The following RBFOX1 variants were observed in gnomAD, a reference collection of about 807,000 sequenced individuals.
The protein encoded by RBFOX1 is RNA binding protein fox-1 homolog 1.
RBFOX1 carries 8 observed loss-of-function variants against 57.7 expected under a neutral mutation model. That is an observed-to-expected ratio of 0.14 (90% CI 0.08 to 0.25). The LOEUF (loss-of-function observed/expected upper bound fraction) is 0.25, where lower values mean the gene tolerates loss of function less well. Ranked by LOEUF, RBFOX1 falls within the 10% of genes least tolerant of loss-of-function variation. The pLI, the probability that RBFOX1 is intolerant of heterozygous loss-of-function variation, is 1.00. For missense variants in RBFOX1, 611 were observed against 548.5 expected (o/e 1.11, Z -1.14); for synonymous variants, 326 against 222.4 (o/e 1.47, Z -4.15).
intron 3 of RBFOX1, among the ~76,000 whole-genome samples, chr16:5,820,512 G>A (rs1473674043): frequency 6.6e-6 from 1 of 152,060 alleles, no homozygotes; most frequent in Admixed American, 6.6e-5. Context: ...CACAAGGGAG[G>A]GGAACCCACC....
At chr16:7,693,502 C>G (rs559703811) in intron 14 of RBFOX1, 8 of 662,120 alleles carry the variant, frequency 1.2e-5, no homozygotes, top group African/African-American at 7.8e-5. Context: ...GATCTTATAT[C>G]TTTGGAGTAC....
intron 1 of RBFOX1, among the ~76,000 whole-genome samples, chr16:5,307,178 G>T (rs1350569283): frequency 6.6e-6 from 1 of 152,162 alleles, no homozygotes; most frequent in Non-Finnish European, 1.5e-5. Flanking sequence ...TGGGTCCCCA[G>T]GCTAGCCACT....
chr16:6,361,851 G>C (rs2088608326), intron 2 of RBFOX1, among the ~76,000 whole-genome samples: 1 of 152,166 alleles, frequency 6.6e-6, no homozygotes, highest in Admixed American at 6.5e-5. Context: ...GAAGGAAAAG[G>C]AATACAGGAT....
At chr16:7,426,997 A>T (rs1010861243) in intron 4 of RBFOX1, among the ~76,000 whole-genome samples, 2 of 152,218 alleles carry the variant, frequency 1.3e-5, no homozygotes, top group African/African-American at 2.4e-5. Flanking sequence ...CATCATTCTC[A>T]GCAAACTATT....
intron 3 of RBFOX1, among the ~76,000 whole-genome samples, chr16:5,608,714 C>T (rs181691902): frequency 4.5e-4 from 68 of 152,338 alleles, no homozygotes; most frequent in African/African-American, 1.5e-3. Flanking sequence ...AGTTGTAGGG[C>T]TAACAGTTGT....
intron 2 of RBFOX1, 113 bp from the exon 3 acceptor site, chr16:6,654,490 A>C: frequency 3.8e-6 from 3 of 792,430 alleles, no homozygotes; most frequent in Non-Finnish European, 3.9e-6. Flanking sequence ...TATTAGGAGC[A>C]TGAGCTCTTT....
intron 1 of RBFOX1, among the ~76,000 whole-genome samples, chr16:6,212,179 C>T (rs2097302777): frequency 6.6e-6 from 1 of 151,840 alleles, no homozygotes; most frequent in South Asian, 2.1e-4. Flanking sequence ...AAGAATGAAA[C>T]AAAAATCTTT....
At chr16:7,045,418 C>A (rs528364766) in intron 3 of RBFOX1, among the ~76,000 whole-genome samples, 1 of 152,158 alleles carries the variant, frequency 6.6e-6, no homozygotes, top group African/African-American at 2.4e-5. Flanking sequence ...ATTCCCAAAT[C>A]TCATTTTCCT....
intron 4 of RBFOX1, among the ~76,000 whole-genome samples, chr16:7,213,196 A>C (rs1003886521): frequency 2.0e-5 from 3 of 152,228 alleles, no homozygotes; most frequent in Non-Finnish European, 4.4e-5. Flanking sequence ...AATGCAGATT[A>C]CACGGAACAA....
intron 2 of RBFOX1, among the ~76,000 whole-genome samples, chr16:6,633,117 C>A (rs1659500975): frequency 2.6e-5 from 4 of 152,114 alleles, no homozygotes. Flanking sequence ...GCGATTGTGC[C>A]CACTTCACAG....
At chr16:5,932,360 C>T (rs1458413756) in intron 4 of RBFOX1, among the ~76,000 whole-genome samples, 2 of 152,300 alleles carry the variant, frequency 1.3e-5, no homozygotes, top group Non-Finnish European at 2.9e-5. Context: ...AGTCCTGAAA[C>T]GTCAAGGAAC....
intron 3 of RBFOX1, among the ~76,000 whole-genome samples, chr16:5,786,261 A>C (rs1207861649): frequency 5.9e-5 from 9 of 152,074 alleles, no homozygotes; most frequent in African/African-American, 1.9e-4. Flanking sequence ...GCTCCTGCTC[A>C]GCCTTGAGAT....
chr16:6,557,115 A>T (rs1381435035), intron 2 of RBFOX1, among the ~76,000 whole-genome samples: 1 of 142,300 alleles, frequency 7.0e-6, no homozygotes, highest in Non-Finnish European at 1.5e-5. Flanking sequence ...ACATATATAC[A>T]TATATACATA....
intron 11 of RBFOX1, 33 bp from the exon 12 acceptor site, chr16:7,653,782 T>TGC (rs1568299630): frequency 1.4e-6 from 2 of 1,413,046 alleles, no homozygotes; most frequent in East Asian, 2.3e-5. Context: ...TGACAGCCTG[T>TGC]GCTCTCTCTC....
chr16:6,449,402 T>C (rs1298052633), intron 2 of RBFOX1, among the ~76,000 whole-genome samples: 3 of 152,198 alleles, frequency 2.0e-5, no homozygotes, highest in East Asian at 1.9e-4. Flanking sequence ...GGTAGAACAT[T>C]CCAGGCTGTG....
chr16:6,019,859 T>G lies in RBFOX1; in HGVS notation c.-260T>G. The G allele has an allele frequency of 6.5e-7, 1 of 1,533,330 alleles. No individual in the cohort carries two copies. The highest frequency in any genetic ancestry group is 8.7e-7 in the Non-Finnish European group (1 of 1,145,778). 95.0% of individuals were successfully genotyped at this position (1,533,330 alleles called of 1,614,324 possible). On this transcript the variant is annotated 5_prime_UTR_variant, in exon 1 of 16. Transcript: ENST00000550418. This position sits in a 1 kb window ranked among gnomAD's most constrained non-coding sequence, Gnocchi z 4.2. ...GACCTGCCCGCGAAGTTGCGGACAG[T>G]GCGTGAGAAACCAGCACCCCCTTCC...
chr16:5,696,575 C>G (rs563822923), intron 3 of RBFOX1, among the ~76,000 whole-genome samples: 1 of 152,308 alleles, frequency 6.6e-6, no homozygotes, highest in South Asian at 2.1e-4. Flanking sequence ...AAACCATCTC[C>G]AGAATGCACT....
chr16:7,257,199 G>A lies in RBFOX1; in HGVS notation c.27+205101G>A, dbSNP rs556991300. Among the ~76,000 whole-genome samples the A allele has an allele frequency of 8.1e-4, 123 of 152,132 alleles. 1 individual carries two copies. In the Middle Eastern group the frequency reaches 0.014, roughly 17 times the overall value. Reference sequence around the variant, plus strand: ...CAGAAAATCTCATTAAGACTTAATCGCTAACATCTTCCCATCCCCGGGGTC... The same window carrying A: ...CAGAAAATCTCATTAAGACTTAATCACTAACATCTTCCCATCCCCGGGGTC... On this transcript the variant is annotated intron_variant, in intron 4 of 15. Coordinates refer to ENST00000550418, the MANE Select transcript of RBFOX1 (RefSeq NM_018723.4).
chr16:5,728,702 C>G (rs897555286), intron 3 of RBFOX1, among the ~76,000 whole-genome samples: 4 of 152,312 alleles, frequency 2.6e-5, no homozygotes, highest in East Asian at 3.9e-4. Flanking sequence ...CCCCTCCCCT[C>G]TCCATGGCTG....
Sources: gnomAD v4.1 joint callset for allele counts (sites outside exome capture counted in the v4.1 genomes callset) on GRCh38, gnomAD v4.1.1 for gene constraint, Gnocchi (gnomAD v3.1) non-coding constraint, MANE v1.5 for transcripts, NCBI Gene and HGNC (gene_info 2026-07-23, HGNC 2026-07-21) for gene names.